ZNF354C: variants seen among roughly 807,000 people sequenced by gnomAD.
ZNF354C encodes zinc finger protein 354C.
Under a neutral mutation model 12.4 loss-of-function variants are expected in ZNF354C, and 7 were observed. The observed-to-expected ratio is 0.56, with a 90% confidence interval of 0.32 to 1.06. The LOEUF (loss-of-function observed/expected upper bound fraction) is 1.06. ZNF354C is among the 50% of genes least tolerant of loss of function. The pLI is 0.04. For missense variants in ZNF354C, 609 were observed against 658.0 expected, an observed-to-expected ratio of 0.93 and a Z score of 0.81; for synonymous variants, 202 against 224.5, an observed-to-expected ratio of 0.90 and a Z score of 0.90.
At chr5:179,068,465 G>A (rs1334638991) in intron 2 of ZNF354C, among the ~76,000 whole-genome samples, 1 of 152,178 alleles carries the variant, frequency 6.6e-6, no homozygotes, top group Non-Finnish European at 1.5e-5. Context: ...AGGAACAAAA[G>A]TTGTCTTGAG....
intron 2 of ZNF354C, among the ~76,000 whole-genome samples, chr5:179,067,809 C>T (rs1761977822): frequency 6.6e-6 from 1 of 152,020 alleles, no homozygotes; most frequent in Non-Finnish European, 1.5e-5. Context: ...GATGGCGCCA[C>T]TGCACTCCAG....
At chr5:179,070,330 TG>T (rs1330188887) in intron 2 of ZNF354C, among the ~76,000 whole-genome samples, 1 of 152,134 alleles carries the variant, frequency 6.6e-6, no homozygotes, top group African/African-American at 2.4e-5. Context: ...CCAAAAGGCT[TG>T]GGGGCCTCTG....
At chr5:179,062,194 C>A (rs1761903065) in intron 2 of ZNF354C, 99 bp downstream of exon 2, 3 of 1,499,860 alleles carry the variant, frequency 2.0e-6, no homozygotes, top group African/African-American at 2.8e-5. Context: ...TTTGGTCCAA[C>A]CAAAACGATG....
At chr5:179,064,478 G>A (rs776639278) in intron 2 of ZNF354C, among the ~76,000 whole-genome samples, 5 of 151,584 alleles carry the variant, frequency 3.3e-5, no homozygotes, top group African/African-American at 4.8e-5. Flanking sequence ...GTGCAGTGGC[G>A]CCATCTCGGT....
At position 179,079,008 on chromosome 5, in the gene ZNF354C, A is replaced by G; in HGVS notation, c.576A>G (p.Thr192=). 1.2e-6 allele frequency: 2 copies of G among 1,612,788 alleles called. No individual in the cohort carries two copies. Among genetic ancestry groups the G allele is most frequent in the African/African-American group, 1.3e-5 (1 of 74,946 alleles). Residue 192 remains threonine (T), a synonymous_variant, in exon 5 of 5, where the codon ACA becomes ACG. Transcript: ENST00000315475. This position sits in a 1 kb window ranked among gnomAD's most constrained non-coding sequence, Gnocchi z 4.2. ...PIERIPNMYY[T]FGKDFKQNFD... ...AAAGGATACCCAATATGTATTATAC[A>G]TTTGGGAAAGATTTTAAACAGAATT... is the stretch of plus-strand genomic sequence containing the variant.
At position 179,082,393 on chromosome 5, in the gene ZNF354C, A is replaced by C. The variant is rs1762240714; in HGVS notation, c.*2296A>C. 2 of 342,578 alleles carry C rather than the reference A, an allele frequency of 5.8e-6. No homozygotes were observed. The highest frequency in any genetic ancestry group is 4.5e-5 in the Admixed American group (1 of 22,398). 21.2% of individuals were successfully genotyped at this position (342,578 alleles called of 1,614,324 possible). ...TCTTCCTGTTTAAAGAAATACAGGA[A>C]TAGAGGAACAAGTTGAATTACACAG... is the stretch of plus-strand genomic sequence containing the variant. On this transcript the variant is annotated 3_prime_UTR_variant, in exon 5 of 5. Transcript: ENST00000315475.
At chr5:179,063,650 A>T (rs944889151) in intron 2 of ZNF354C, among the ~76,000 whole-genome samples, 2 of 152,226 alleles carry the variant, frequency 1.3e-5, no homozygotes, top group African/African-American at 4.8e-5. Flanking sequence ...TATTCCTTTC[A>T]TATAGTAAGT....
chr5:179,073,974 T>C (rs1326577284), intron 2 of ZNF354C, among the ~76,000 whole-genome samples: 2 of 151,608 alleles, frequency 1.3e-5, no homozygotes, highest in Admixed American at 1.3e-4. Flanking sequence ...TGTGTAAGTT[T>C]TTGTTGTTGT....
chr5:179,071,187 A>T (rs1488238851), intron 2 of ZNF354C, among the ~76,000 whole-genome samples: 2 of 151,828 alleles, frequency 1.3e-5, no homozygotes, highest in East Asian at 3.9e-4. Flanking sequence ...GGACTCCCTT[A>T]GTCACTGTGA....
Position 179,078,858 on chromosome 5 carries a change from T to C in ZNF354C, c.426T>C (p.Pro142=). Residue 142 remains proline (P), a synonymous_variant, in exon 5 of 5, where the codon CCT becomes CCC. Coordinates refer to ENST00000315475, the MANE Select transcript of ZNF354C (RefSeq NM_014594.3). ...SEIEEEQEKK[P]LRQMIDSHEK... ...TAGAAGAAGAGCAAGAGAAGAAACC[T>C]CTTAGACAAATGATAGATTCGCATG... is the stretch of plus-strand genomic sequence containing the variant. 2 of 1,614,064 alleles carry C rather than the reference T, an allele frequency of 1.2e-6. No individual in the cohort carries two copies. The highest frequency in any genetic ancestry group is 1.7e-6 in the Non-Finnish European group (2 of 1,179,998).
At position 179,076,488 on chromosome 5, in the gene ZNF354C, A is replaced by T. The variant is rs766507183; in HGVS notation, c.71A>T (p.Asp24Val). 5 of 1,614,048 alleles carry T rather than the reference A, an allele frequency of 3.1e-6. No individual in the cohort carries two copies. Among genetic ancestry groups the T allele is most frequent in the Non-Finnish European group, 4.2e-6 (5 of 1,180,040 alleles). Reference sequence around the variant, plus strand: ...GATGTGGCCGTGTTCTTCAGCCAGGACGAGTGGTTGCACCTGGACTCTGCC... The same window carrying T: ...GATGTGGCCGTGTTCTTCAGCCAGGTCGAGTGGTTGCACCTGGACTCTGCC... ...FRDVAVFFSQ[D>V]EWLHLDSAQR... The change falls in exon 3 of 5, where the codon GAC (aspartate) becomes GTC (valine). Residue 24 changes from aspartate to valine, a missense_variant. Asp to Val is a radical substitution (Grantham distance 152). Coordinates refer to ENST00000315475, the MANE Select transcript of ZNF354C (RefSeq NM_014594.3).
chr5:179,073,984 T>C (rs1327808414), intron 2 of ZNF354C, among the ~76,000 whole-genome samples: 15 of 151,604 alleles, frequency 9.9e-5, no homozygotes, highest in Non-Finnish European at 2.9e-5. Context: ...TTTGTTGTTG[T>C]TGTTTTGTTT....
chr5:179,074,613 G>A lies in ZNF354C; in HGVS notation c.28-1832G>A, dbSNP rs150429761. ...CTTCACACAGACCCAGAGTCATGGC[G>A]TGGTCTGTGCAAATAAGGGAGACAG... On this transcript the variant is annotated intron_variant, in intron 2 of 4. Coordinates refer to ENST00000315475, the MANE Select transcript of ZNF354C (RefSeq NM_014594.3). Among the ~76,000 whole-genome samples, 110 of 152,254 alleles carry A rather than the reference G, an allele frequency of 7.2e-4. 1 individual carries two copies. The highest frequency in any genetic ancestry group is 3.4e-3 in the Middle Eastern group (1 of 294).
intron 2 of ZNF354C, among the ~76,000 whole-genome samples, chr5:179,072,089 A>G (rs1762060835): frequency 1.3e-5 from 2 of 152,146 alleles, no homozygotes; most frequent in Admixed American, 1.3e-4. Flanking sequence ...AAGACAATCA[A>G]TAGAGACAAT....
chr5:179,078,732 T>G lies in ZNF354C; in HGVS notation c.300T>G (p.Ile100Met). 6.2e-7 allele frequency: 1 copy of G among 1,612,006 alleles called. No homozygotes were observed. Among genetic ancestry groups the G allele is most frequent in the Non-Finnish European group, 8.5e-7 (1 of 1,179,542 alleles). The change falls in exon 5 of 5, where the codon ATT becomes ATG. Residue 100 changes from isoleucine to methionine, a missense_variant. Transcript: ENST00000315475. ...AAGCATTGCCTCATAGACAGGACATTTTTATAGAAGAAACATCTCAGGGAA... is the reference window on the plus strand; with the variant it reads ...AAGCATTGCCTCATAGACAGGACATGTTTATAGAAGAAACATCTCAGGGAA... Reference protein sequence around the residue: ...ETEALPHRQDIFIEETSQGMV... With the variant: ...ETEALPHRQDMFIEETSQGMV...
intron 2 of ZNF354C, among the ~76,000 whole-genome samples, chr5:179,072,005 A>T (rs1762059134): frequency 6.6e-6 from 1 of 152,172 alleles, no homozygotes; most frequent in Non-Finnish European, 1.5e-5. Flanking sequence ...GTTTCTACAC[A>T]TTGTGTACTG....
chr5:179,072,058 G>C (rs923265809), intron 2 of ZNF354C, among the ~76,000 whole-genome samples: 2 of 152,108 alleles, frequency 1.3e-5, no homozygotes. Flanking sequence ...AAATGGGGAA[G>C]TGTAACCAAA....
rs957719044 is a variant in ZNF354C, at chr5:179,083,577, T to C, written c.*3480T>C. 2 of 152,258 alleles carry C rather than the reference T, an allele frequency of 1.3e-5. No homozygotes were observed. The highest frequency in any genetic ancestry group is 2.9e-5 in the Non-Finnish European group (2 of 68,054). The allele number at this position is 152,258 out of a possible 1,614,324, so 9.4% of individuals were successfully genotyped here. Reference sequence around the variant, plus strand: ...TCTTTCAATCAGAATTCTCCATTTATATTCTTAGGAAGTTCCTGTTTGAGA... The same window carrying C: ...TCTTTCAATCAGAATTCTCCATTTACATTCTTAGGAAGTTCCTGTTTGAGA... On this transcript the variant is annotated 3_prime_UTR_variant, in exon 5 of 5. Transcript: ENST00000315475.
In ZNF354C at chr5:179,076,531, G is replaced by A; in HGVS notation, c.114G>A (p.Arg38=). ...ACTCTGCCCAGAGGGCCTTGTACCG[G>A]GAGGTGATGCTGGAGAACTACAGCA... ...HLDSAQRALY[R]EVMLENYSSL... Residue 38 remains arginine (R), a synonymous_variant, in exon 3 of 5, where the codon CGG becomes CGA. Transcript: ENST00000315475. The A allele has an allele frequency of 6.2e-7, 1 of 1,614,176 alleles. No individual in the cohort carries two copies. The highest frequency in any genetic ancestry group is 8.5e-7 in the Non-Finnish European group (1 of 1,180,032).
Sources: gnomAD v4.1 joint callset for allele counts (sites outside exome capture counted in the v4.1 genomes callset) on GRCh38, gnomAD v4.1.1 for gene constraint, Gnocchi (gnomAD v3.1) non-coding constraint, MANE v1.5 for transcripts, NCBI Gene and HGNC (gene_info 2026-07-23, HGNC 2026-07-21) for gene names.